The following CNTN3 variants were observed in gnomAD, a reference collection of about 807,000 sequenced individuals.
The protein encoded by CNTN3 is contactin-3.
Under a neutral mutation model 119.1 loss-of-function variants are expected in CNTN3, and 60 were observed. The ratio of observed to expected loss-of-function variants is 0.50; its 90% CI spans 0.41 to 0.62. The LOEUF (loss-of-function observed/expected upper bound fraction) is 0.62. Ranked by LOEUF, CNTN3 falls within the 20% of genes least tolerant of loss-of-function variation. The pLI is 0.00. For synonymous variants in CNTN3, 450 were observed against 438.7 expected, an observed-to-expected ratio of 1.03 and a Z score of -0.32; for missense variants, 1,101 against 1,242.4, an observed-to-expected ratio of 0.89 and a Z score of 1.71.
intron 1 of CNTN3, among the ~76,000 whole-genome samples, chr3:74,537,929 G>A (rs1466128318): frequency 6.6e-6 from 1 of 152,110 alleles, no homozygotes; most frequent in African/African-American, 2.4e-5. Flanking sequence ...GAGAAGGGCA[G>A]CCCGAGGGGA....
chr3:74,482,485 C>A (rs1224884557), intron 4 of CNTN3, among the ~76,000 whole-genome samples: 1 of 151,890 alleles, frequency 6.6e-6, no homozygotes, highest in Admixed American at 6.6e-5. Context: ...AGATGTATGG[C>A]CTTTTCACTT....
Position 74,301,724 on chromosome 3 carries a change from T to A in CNTN3, c.1868A>T (p.Asp623Val), listed in dbSNP as rs1702460594. The A allele has an allele frequency of 6.2e-7, 1 of 1,614,000 alleles. No individual in the cohort carries two copies. The highest frequency in any genetic ancestry group is 2.2e-5 in the East Asian group (1 of 44,884). ...ATAGGATATAACTGGGCTATGGTTG[T>A]CTTTACCTTCTTTCCAAGAGAGTTG... is the stretch of plus-strand genomic sequence containing the variant. The part of the protein sequence containing the change: ...TAQLSWKEGK[D>V]NHSPVISYSI... The change falls in exon 15 of 23, where the codon GAC becomes GTC. Residue 623 changes from aspartate (D) to valine (V), a missense_variant. Coordinates refer to ENST00000263665, the MANE Select transcript of CNTN3 (RefSeq NM_020872.3).
chr3:74,520,434 A>T (rs887068157), intron 2 of CNTN3, among the ~76,000 whole-genome samples: 9 of 151,578 alleles, frequency 5.9e-5, no homozygotes, highest in African/African-American at 1.9e-4. Context: ...TTATATATAC[A>T]CTATTTTAAA....
At chr3:74,415,432 A>G (rs1232426332) in intron 5 of CNTN3, among the ~76,000 whole-genome samples, 1 of 152,154 alleles carries the variant, frequency 6.6e-6, no homozygotes, top group Non-Finnish European at 1.5e-5. Flanking sequence ...CTTTAATCCA[A>G]AAGGGATGCC....
In CNTN3 at chr3:74,475,163, C is replaced by T. The variant is rs79973324; in HGVS notation, c.358+11293G>A. Among the ~76,000 whole-genome samples, 1,378 of 152,248 alleles carry T rather than the reference C, an allele frequency of 9.1e-3. 16 individuals are homozygous for T. Among genetic ancestry groups the T allele is most frequent in the African/African-American group, 0.031 (1,290 of 41,526 alleles). The stretch of plus-strand genomic sequence containing the variant: ...ACCCTAATACTCCTTATTGCTTAAA[C>T]AAAACCTGCTTCACTCACTAACATT... On this transcript the variant is annotated intron_variant, in intron 4 of 22. Coordinates refer to ENST00000263665, the MANE Select transcript of CNTN3 (RefSeq NM_020872.3).
rs1218087322 is a variant in CNTN3 at position 74,285,382 on chromosome 3, T to C, written c.2627A>G (p.Tyr876Cys). 5.6e-6 allele frequency: 9 copies of C among 1,613,758 alleles called. No individual in the cohort carries two copies. The East Asian group carries it at 2.0e-4, about 36-fold the overall frequency. The stretch of plus-strand genomic sequence containing the variant: ...ACTGTTGTAAGCCCGGACAGCCGTG[T>C]AATAGGCCAGGTTGCTCTTCAGGCC... ...LRGLKSNLAY[Y>C]TAVRAYNSAG... The change falls in exon 20 of 23, where the codon TAC becomes TGC. Residue 876 changes from tyrosine to cysteine, a missense_variant. By Grantham distance (194) the Tyr-to-Cys change is radical. Transcript: ENST00000263665.
At chr3:74,577,280 G>A (rs114377728) in intron 1 of CNTN3, among the ~76,000 whole-genome samples, 1,553 of 152,244 alleles carry the variant, frequency 0.01, 19 homozygotes, top group African/African-American at 0.03. Flanking sequence ...AAAACAGGTC[G>A]TTAATCCAAG....
In CNTN3 at chr3:74,353,766, T is replaced by A. The variant is rs529908068; in HGVS notation, c.1364+8124A>T. On this transcript the variant is annotated intron_variant, in intron 11 of 22. Transcript: ENST00000263665. ...GCGAGACTCCGTCTCAAAAAAAAAA[T>A]TAATTAATTAATTAAATAAAATAAA... Among the ~76,000 whole-genome samples, 944 of 151,854 alleles carry A rather than the reference T, an allele frequency of 6.2e-3. 14 individuals are homozygous for A. The highest frequency in any genetic ancestry group is 0.022 in the African/African-American group (896 of 41,342).
chr3:74,336,488 C>G (rs1409298250), intron 12 of CNTN3, 43 bp downstream of exon 12: 1 of 1,595,390 alleles, frequency 6.3e-7, no homozygotes, highest in African/African-American at 1.3e-5. Context: ...ATACATCTTA[C>G]AGTGAATCCG....
intron 1 of CNTN3, among the ~76,000 whole-genome samples, chr3:74,585,744 G>C (rs578095730): frequency 6.6e-6 from 1 of 152,080 alleles, no homozygotes; most frequent in South Asian, 2.1e-4. Context: ...AATACCAAAT[G>C]ACTGTCTTAA....
chr3:74,369,374 C>A lies in CNTN3; in HGVS notation c.762-1G>T. ...TCTCCAATTAATCTGAGGTATGGGA[C>A]TAAGAAGAAAATCGTCAAGTTGTCT... On this transcript the variant is annotated splice_acceptor_variant, in intron 7 of 22. Coordinates refer to ENST00000263665, the MANE Select transcript of CNTN3 (RefSeq NM_020872.3). LOFTEE classifies it high-confidence loss of function. 1 of 1,584,762 alleles carries A rather than the reference C, an allele frequency of 6.3e-7. No homozygotes were observed. The highest frequency in any genetic ancestry group is 8.6e-7 in the Non-Finnish European group (1 of 1,167,734).
chr3:74,369,922 G>A lies in CNTN3; in HGVS notation c.728C>T (p.Ser243Leu), dbSNP rs139461362. 2.6e-3 allele frequency: 4,197 copies of A among 1,607,442 alleles called. 117 individuals carry two copies. In the South Asian group the frequency reaches 0.038, roughly 14 times the overall value. ...GGCAAAACATTCCAATTTCACAGTC[G>A]AACCTTTAGCTGCTGGAAGAGTTTC... ...FPETLPAAKG[S>L]TVKLECFALG... The change falls in exon 7 of 23, where the codon TCG becomes TTG. Residue 243 changes from serine to leucine, a missense_variant. Coordinates refer to ENST00000263665, the MANE Select transcript of CNTN3 (RefSeq NM_020872.3).
At chr3:74,462,373 C>T (rs868070776) in intron 4 of CNTN3, among the ~76,000 whole-genome samples, 5 of 152,046 alleles carry the variant, frequency 3.3e-5, no homozygotes, top group African/African-American at 4.8e-5. Flanking sequence ...ATCTACTCTC[C>T]TTTGTGCAAA....
chr3:74,354,407 T>A (rs1703886686), intron 11 of CNTN3, among the ~76,000 whole-genome samples: 1 of 152,104 alleles, frequency 6.6e-6, no homozygotes, highest in South Asian at 2.1e-4. Flanking sequence ...AGTTAAATAA[T>A]CTTTAAAATA....
At position 74,298,045 on chromosome 3, in the gene CNTN3, A is replaced by G; in HGVS notation, c.2313T>C (p.Tyr771=). 1.2e-6 allele frequency: 2 copies of G among 1,614,122 alleles called. No homozygotes were observed. Among genetic ancestry groups the G allele is most frequent in the Non-Finnish European group, 1.7e-6 (2 of 1,179,992 alleles). ...YVFRNESIVP[Y]SPYEVKVGVY... ...CACCCACTTTAACTTCATATGGTGAATATGGCACGATGCTTTCATTCCTAA... is the reference window on the plus strand; with the variant it reads ...CACCCACTTTAACTTCATATGGTGAGTATGGCACGATGCTTTCATTCCTAA... The change falls in exon 18 of 23, where the codon TAT becomes TAC. Residue 771 remains tyrosine, a synonymous_variant. Coordinates refer to ENST00000263665, the MANE Select transcript of CNTN3 (RefSeq NM_020872.3).
At chr3:74,410,820 A>C (rs988106052) in intron 5 of CNTN3, among the ~76,000 whole-genome samples, 2 of 152,156 alleles carry the variant, frequency 1.3e-5, no homozygotes, top group African/African-American at 4.8e-5. Flanking sequence ...TGATCCATAC[A>C]TAATTAACTG....
chr3:74,337,546 T>A (rs1470730482), intron 11 of CNTN3, among the ~76,000 whole-genome samples: 1 of 152,090 alleles, frequency 6.6e-6, no homozygotes, highest in Non-Finnish European at 1.5e-5. Flanking sequence ...AATGCATGTC[T>A]TACATGGTGG....
chr3:74,417,849 A>G (rs944677022), intron 5 of CNTN3, among the ~76,000 whole-genome samples: 1 of 152,254 alleles, frequency 6.6e-6, no homozygotes, highest in Non-Finnish European at 1.5e-5. Context: ...CAATAGTCAC[A>G]TCAGTATTGA....
intron 20 of CNTN3, among the ~76,000 whole-genome samples, chr3:74,279,839 G>A (rs1398010368): frequency 6.6e-6 from 1 of 151,952 alleles, no homozygotes; most frequent in African/African-American, 2.4e-5. Flanking sequence ...GACATAGAGA[G>A]TAGAAGGATG....
Sources: allele counts gnomAD v4.1 joint callset (sites outside exome capture counted in the v4.1 genomes callset), GRCh38; gene constraint gnomAD v4.1.1; transcripts MANE v1.5; gene names NCBI Gene and HGNC (gene_info 2026-07-23, HGNC 2026-07-21).